Variants in MAP2K5 observed in about 807,000 individuals in gnomAD.
MAP2K5 encodes mitogen-activated protein kinase kinase 5.
In MAP2K5, 49 loss-of-function variants were observed where a neutral mutation model predicts 83.1. The ratio of observed to expected loss-of-function variants is 0.59; its 90% confidence interval spans 0.47 to 0.75. The LOEUF (loss-of-function observed/expected upper bound fraction) is 0.75, where lower values mean the gene tolerates loss of function less well. Among genes scored for constraint, MAP2K5 ranks in the 30% least tolerant of loss-of-function variants. MAP2K5 has a pLI of 0.00. For synonymous variants in MAP2K5, 202 were observed against 191.8 expected, an observed-to-expected ratio of 1.05 and a Z score of -0.44; for missense variants, 457 against 557.5, an observed-to-expected ratio of 0.82 and a Z score of 1.82.
At chr15:67,551,096 A>G (rs1163586783) in intron 2 of MAP2K5, among the ~76,000 whole-genome samples, 2 of 152,106 alleles carry the variant, frequency 1.3e-5, no homozygotes, top group Non-Finnish European at 2.9e-5. Flanking sequence ...TAATGTAGAA[A>G]AATTTCAGTT....
chr15:67,805,272 G>A (rs983700042), intron 21 of MAP2K5, among the ~76,000 whole-genome samples: 16 of 152,338 alleles, frequency 1.1e-4, no homozygotes, highest in African/African-American at 3.8e-4. Context: ...AAGGTTGGGG[G>A]CGGGCACTGC....
In MAP2K5 at chr15:67,652,005, T is replaced by G. The variant is rs1174976160; in HGVS notation, c.736+5536T>G. 6.6e-6 allele frequency among the ~76,000 whole-genome samples: 1 copy of G among 152,244 alleles called. No homozygotes were observed. The highest frequency in any genetic ancestry group is 2.4e-5 in the African/African-American group (1 of 41,466). On this transcript the variant is annotated intron_variant, in intron 11 of 21. Transcript: ENST00000178640. This position sits in a 1 kb window ranked among gnomAD's most constrained non-coding sequence, Gnocchi z 4.2. ...AATAGTGTATGAAGGTTCCCCTTTC[T>G]CCACATCCTTGCCAGCATCTATTAT...
intron 11 of MAP2K5, among the ~76,000 whole-genome samples, chr15:67,656,843 G>T (rs1415348725): frequency 2.6e-5 from 4 of 152,094 alleles, no homozygotes; most frequent in African/African-American, 9.7e-5. Context: ...CTGTAGAATA[G>T]AAATGATAAT....
intron 16 of MAP2K5, among the ~76,000 whole-genome samples, chr15:67,716,997 G>T (rs1484915060): frequency 6.6e-6 from 1 of 152,170 alleles, no homozygotes; most frequent in Non-Finnish European, 1.5e-5. Flanking sequence ...TTCTAGAAAG[G>T]TTAAGTGAAT....
chr15:67,698,194 A>T lies in MAP2K5; in HGVS notation c.972+4626A>T, dbSNP rs2088314170. Among the ~76,000 whole-genome samples the T allele has an allele frequency of 6.7e-6, 1 of 149,442 alleles. No individual in the cohort carries two copies. The highest frequency in any genetic ancestry group is 2.5e-5 in the African/African-American group (1 of 40,784). Reference sequence around the variant, plus strand: ...ATTAACCATTTTTCAGAAATTCTTTATTTTTTTTTTCTTGAGATGAAGTCT... The same window carrying T: ...ATTAACCATTTTTCAGAAATTCTTTTTTTTTTTTTTCTTGAGATGAAGTCT... On this transcript the variant is annotated intron_variant, in intron 15 of 21. Transcript: ENST00000178640. The surrounding 1 kb of genome is among the most constrained non-coding windows in gnomAD (Gnocchi z 4.5).
chr15:67,610,113 T>A (rs1407371656), intron 8 of MAP2K5, among the ~76,000 whole-genome samples: 1 of 152,192 alleles, frequency 6.6e-6, no homozygotes, highest in African/African-American at 2.4e-5. Flanking sequence ...AGCCAAGGTT[T>A]TTCTGTTTGC....
intron 2 of MAP2K5, 149 bp downstream of exon 2, chr15:67,550,231 T>C: frequency 5.1e-6 from 3 of 590,742 alleles, no homozygotes; most frequent in Middle Eastern, 3.2e-4. Context: ...TTGATATAAG[T>C]TTAATGATGA....
chr15:67,570,963 C>T (rs988668101), intron 3 of MAP2K5, among the ~76,000 whole-genome samples: 7 of 152,172 alleles, frequency 4.6e-5, no homozygotes, highest in African/African-American at 7.2e-5. Context: ...GAGAAACTCT[C>T]CTGTTACAGA....
At chr15:67,567,040 G>A (rs2084853416) in intron 3 of MAP2K5, among the ~76,000 whole-genome samples, 1 of 152,204 alleles carries the variant, frequency 6.6e-6, no homozygotes. Flanking sequence ...TTATTTAGAA[G>A]TTGTATTCTT....
At chr15:67,643,232 A>G (rs1165471991) in intron 9 of MAP2K5, among the ~76,000 whole-genome samples, 5 of 152,196 alleles carry the variant, frequency 3.3e-5, no homozygotes, top group Non-Finnish European at 7.3e-5. Flanking sequence ...GGTACTTGTC[A>G]TCATAGTAGG....
At chr15:67,766,487 A>G (rs2090043824) in intron 19 of MAP2K5, among the ~76,000 whole-genome samples, 1 of 152,174 alleles carries the variant, frequency 6.6e-6, no homozygotes, top group African/African-American at 2.4e-5. Flanking sequence ...GCCAGAACCC[A>G]TATTTCATAG....
At chr15:67,619,131 T>C (rs1038442949) in intron 8 of MAP2K5, among the ~76,000 whole-genome samples, 7 of 152,192 alleles carry the variant, frequency 4.6e-5, no homozygotes, top group Non-Finnish European at 8.8e-5. Context: ...ACTTGCTGTT[T>C]CCTCTACCTG....
rs1054636777 is a variant in MAP2K5, at chr15:67,733,940, A to C, written c.1074+5995A>C. Among the ~76,000 whole-genome samples the C allele has an allele frequency of 1.2e-4, 18 of 152,234 alleles. 1 individual carries two copies. Among genetic ancestry groups the C allele is most frequent in the Admixed American group, 9.2e-4 (14 of 15,284 alleles). On this transcript the variant is annotated intron_variant, in intron 17 of 21. Transcript: ENST00000178640. ...TATATACTACATATCAAAGTATGAG[A>C]GGAGCTGTAGGTGGCATTTGCTTCA... is the stretch of plus-strand genomic sequence containing the variant.
rs1277129284 is a variant in MAP2K5 at position 67,563,304 on chromosome 15, G to A, written c.206G>A (p.Arg69Gln). 3.7e-6 allele frequency: 6 copies of A among 1,610,026 alleles called. No individual in the cohort carries two copies. In the Admixed American group the frequency reaches 5.0e-5, roughly 14 times the overall value. The change falls in exon 3 of 22, where the codon CGA becomes CAA. Residue 69 changes from arginine to glutamine, a missense_variant. Physicochemically the swap from Arg to Gln is conservative, Grantham distance 43 (BLOSUM62 1). This residue lies in a region of MAP2K5 where 234 missense variants were observed against 243.6 expected (regional missense o/e 0.96). Transcript: ENST00000178640. This position sits in a 1 kb window ranked among gnomAD's most constrained non-coding sequence, Gnocchi z 4.5. ...ACAGATGAAGATGAAGATGGTGATC[G>A]AATTACAGTGAGAAGTGATGAGGAA... ...AFEYEDEDGD[R>Q]ITVRSDEEMK... is the part of the protein sequence containing the mutation.
rs1394644724 is a variant in MAP2K5 at position 67,552,692 on chromosome 15, C to T, written c.184+2610C>T. Among the ~76,000 whole-genome samples the T allele has an allele frequency of 6.6e-6, 1 of 152,150 alleles. No individual in the cohort carries two copies. Among genetic ancestry groups the T allele is most frequent in the Non-Finnish European group, 1.5e-5 (1 of 68,046 alleles). ...CCTCAAGTGATAGTCCCATCTTGGC[C>T]TTTCAAAGTGCTGGGATTACAGGTG... On this transcript the variant is annotated intron_variant, in intron 2 of 21. Transcript: ENST00000178640. This position sits in a 1 kb window ranked among gnomAD's most constrained non-coding sequence, Gnocchi z 4.2.
rs2087144297 is a variant in MAP2K5, at chr15:67,658,471, C to A, written c.737-82C>A. On this transcript the variant is annotated intron_variant, in intron 11 of 21. Coordinates refer to ENST00000178640, the MANE Select transcript of MAP2K5 (RefSeq NM_145160.3). ...GCTGTAGGAAGTGTAAAAATGTATTCTCACAGTGAACACACAGGAGAAGCC... is the reference window on the plus strand; with the variant it reads ...GCTGTAGGAAGTGTAAAAATGTATTATCACAGTGAACACACAGGAGAAGCC... 10 of 1,086,582 alleles carry A rather than the reference C, an allele frequency of 9.2e-6. No individual in the cohort carries two copies. In the South Asian group the frequency reaches 1.1e-4, roughly 12 times the overall value. 67.3% of individuals were successfully genotyped at this position (1,086,582 alleles called of 1,614,324 possible).
intron 1 of MAP2K5, among the ~76,000 whole-genome samples, chr15:67,545,171 T>G (rs1425188870): frequency 6.6e-6 from 1 of 152,252 alleles, no homozygotes; most frequent in Non-Finnish European, 1.5e-5. Context: ...GTGCTTTTTC[T>G]CTGTGTCATT....
intron 20 of MAP2K5, among the ~76,000 whole-genome samples, chr15:67,772,158 A>G (rs1046795956): frequency 6.6e-6 from 1 of 152,258 alleles, no homozygotes; most frequent in Admixed American, 6.5e-5. Flanking sequence ...AAGTCAAGAT[A>G]ATCTATAGCA....
chr15:67,543,489 G>A lies in MAP2K5; in HGVS notation c.135+19G>A. ...TGTGCTGGTGAGTGGTAATCTCAGT[G>A]TCCGGATGCCAGCAAGGGGGACTCA... On this transcript the variant is annotated intron_variant, in intron 1 of 21. Coordinates refer to ENST00000178640, the MANE Select transcript of MAP2K5 (RefSeq NM_145160.3). This position sits in a 1 kb window ranked among gnomAD's most constrained non-coding sequence, Gnocchi z 4.3. The A allele has an allele frequency of 6.2e-7, 1 of 1,613,910 alleles. No homozygotes were observed. Among genetic ancestry groups the A allele is most frequent in the African/African-American group, 1.3e-5 (1 of 75,046 alleles).
Sources: gnomAD v4.1 joint callset for allele counts (sites outside exome capture counted in the v4.1 genomes callset) on GRCh38, gnomAD v4.1.1 for gene constraint, gnomAD v4.1.1 regional missense constraint, Gnocchi (gnomAD v3.1) non-coding constraint, MANE v1.5 for transcripts, NCBI Gene and HGNC (gene_info 2026-07-23, HGNC 2026-07-21) for gene names.